The following THSD4 variants were observed in gnomAD, a reference collection of about 807,000 sequenced individuals.
THSD4 encodes the protein thrombospondin type-1 domain-containing protein 4.
Under a neutral mutation model 119.0 loss-of-function variants are expected in THSD4, and 69 were observed. The observed-to-expected ratio is 0.58, with a 90% CI of 0.48 to 0.71. The LOEUF (loss-of-function observed/expected upper bound fraction) is 0.71. THSD4 is among the 30% of genes least tolerant of loss of function. THSD4 has a pLI of 0.00. For synonymous variants in THSD4, 524 were observed against 540.4 expected, an observed-to-expected ratio of 0.97 and a Z score of 0.42; for missense variants, 1,393 against 1,391.1, an observed-to-expected ratio of 1.00 and a Z score of -0.02.
chr15:71,703,960 C>T (rs1464394761), intron 8 of THSD4, among the ~76,000 whole-genome samples: 1 of 152,188 alleles, frequency 6.6e-6, no homozygotes, highest in Non-Finnish European at 1.5e-5. Flanking sequence ...CGCCATTCTT[C>T]TGCCTCAGCC....
chr15:71,484,663 T>C (rs1398578710), intron 7 of THSD4, among the ~76,000 whole-genome samples: 1 of 152,138 alleles, frequency 6.6e-6, no homozygotes, highest in African/African-American at 2.4e-5. Flanking sequence ...AAAGTCAAAA[T>C]TCTTTGAGGT....
intron 1 of THSD4, among the ~76,000 whole-genome samples, chr15:71,122,377 T>C (rs2040415796): frequency 6.6e-6 from 1 of 152,110 alleles, no homozygotes; most frequent in Non-Finnish European, 1.5e-5. Flanking sequence ...ATCAGAATGA[T>C]GTTTCAATTT....
At chr15:71,410,321 A>G (rs1438581759) in intron 6 of THSD4, among the ~76,000 whole-genome samples, 2 of 152,232 alleles carry the variant, frequency 1.3e-5, no homozygotes, top group Admixed American at 6.5e-5. Flanking sequence ...CAGCATGGTT[A>G]ACCCTGAAAT....
At chr15:71,170,527 A>G (rs8040479) in intron 3 of THSD4, among the ~76,000 whole-genome samples, 3,053 of 152,302 alleles carry the variant, frequency 0.02, 45 homozygotes, top group South Asian at 0.051. Flanking sequence ...GATCTAACAA[A>G]TTAAAACAGC....
chr15:71,673,077 T>A (rs948762976), intron 8 of THSD4, among the ~76,000 whole-genome samples: 5 of 152,238 alleles, frequency 3.3e-5, no homozygotes, highest in African/African-American at 1.2e-4. Context: ...CAGCTCCTCT[T>A]TGTACCTCTG....
At chr15:71,620,826 ACT>A (rs2140927089) in intron 7 of THSD4, among the ~76,000 whole-genome samples, 1 of 152,116 alleles carries the variant, frequency 6.6e-6, no homozygotes, top group Admixed American at 6.5e-5. Context: ...ACATGTCTTA[ACT>A]CTCAGGTGGG....
At position 71,256,594 on chromosome 15, in the gene THSD4, T is replaced by A; in HGVS notation, c.913-19T>A. 1 of 1,609,556 alleles carries A rather than the reference T, an allele frequency of 6.2e-7. No individual in the cohort carries two copies. The highest frequency in any genetic ancestry group is 8.5e-7 in the Non-Finnish European group (1 of 1,176,460). ...AAAAGTATGGACACTAATTGCATAT[T>A]TAATATCTGCTTTATTAGGTATGTC... On this transcript the variant is annotated intron_variant, in intron 5 of 17. Transcript: ENST00000261862.
chr15:71,298,167 T>G (rs750872933), intron 6 of THSD4, among the ~76,000 whole-genome samples: 1 of 152,204 alleles, frequency 6.6e-6, no homozygotes, highest in Non-Finnish European at 1.5e-5. Context: ...GAGGGGCTAT[T>G]CAGTTGTCCC....
chr15:71,454,308 A>C (rs1422133040), intron 7 of THSD4, among the ~76,000 whole-genome samples: 2 of 152,238 alleles, frequency 1.3e-5, no homozygotes, highest in African/African-American at 4.8e-5. Context: ...TTGCACCTCT[A>C]GGAAAGAATT....
At chr15:71,760,244 T>C (rs1237803593) in intron 15 of THSD4, among the ~76,000 whole-genome samples, 1 of 152,160 alleles carries the variant, frequency 6.6e-6, no homozygotes. Flanking sequence ...ATTTGTGTTT[T>C]AGGGAAGAGA....
chr15:71,563,840 C>G (rs1161112921), intron 7 of THSD4, among the ~76,000 whole-genome samples: 1 of 152,010 alleles, frequency 6.6e-6, no homozygotes, highest in Non-Finnish European at 1.5e-5. Flanking sequence ...ACTCTTTATC[C>G]CGTGTGACAA....
intron 8 of THSD4, among the ~76,000 whole-genome samples, chr15:71,695,501 C>CGTGTGTGTGTGTGT (rs370049077): frequency 1.7e-5 from 2 of 115,330 alleles, no homozygotes; most frequent in African/African-American, 7.4e-5. Context: ...TGTGTGTGTG[C>CGTGTGTGTGTGTGT]ATGTGTGTGT....
chr15:71,425,782 A>C (rs1476731969), intron 7 of THSD4, among the ~76,000 whole-genome samples: 1 of 152,232 alleles, frequency 6.6e-6, no homozygotes, highest in Non-Finnish European at 1.5e-5. Flanking sequence ...AATGAAGTTA[A>C]TCTTGAACTC....
chr15:71,545,922 C>G (rs1367342481), intron 7 of THSD4, among the ~76,000 whole-genome samples: 1 of 152,098 alleles, frequency 6.6e-6, no homozygotes, highest in African/African-American at 2.4e-5. Context: ...TTAAAGTTTC[C>G]TCATTAATGC....
chr15:71,101,182 A>G (rs1293355935), intron 1 of THSD4, among the ~76,000 whole-genome samples: 4 of 151,928 alleles, frequency 2.6e-5, no homozygotes, highest in African/African-American at 4.8e-5. Context: ...TATTTTTACT[A>G]TATCTCTGGG....
chr15:71,660,451 G>A lies in THSD4; in HGVS notation c.1153-79G>A, dbSNP rs920044214. On this transcript the variant is annotated intron_variant, in intron 7 of 17. Coordinates refer to ENST00000261862, the MANE Select transcript of THSD4 (RefSeq NM_024817.3). Reference sequence around the variant, plus strand: ...TAAATAGCTAGAAAAGAAATTTCTTGCCCAGGGATCTTCTCCCTTCCTTCC... The same window carrying A: ...TAAATAGCTAGAAAAGAAATTTCTTACCCAGGGATCTTCTCCCTTCCTTCC... 3 of 1,559,966 alleles carry A rather than the reference G, an allele frequency of 1.9e-6. No homozygotes were observed. The African/African-American group carries it at 4.1e-5, about 21-fold the overall frequency.
At chr15:71,585,025 T>C (rs2049638242) in intron 7 of THSD4, among the ~76,000 whole-genome samples, 1 of 152,226 alleles carries the variant, frequency 6.6e-6, no homozygotes, top group Non-Finnish European at 1.5e-5. Context: ...TTTATAACTT[T>C]TATGTTGTAT....
At chr15:71,447,118 GTTTTTTTTTTT>G (rs1555414736) in intron 7 of THSD4, among the ~76,000 whole-genome samples, 2 of 76,070 alleles carry the variant, frequency 2.6e-5, no homozygotes, top group African/African-American at 9.3e-5. Context: ...CATTTTTTTT[GTTTTTTTTTTT>G]TTTTTTTTTG....
At chr15:71,572,185 C>T (rs2049370602) in intron 7 of THSD4, among the ~76,000 whole-genome samples, 1 of 152,160 alleles carries the variant, frequency 6.6e-6, no homozygotes, top group Non-Finnish European at 1.5e-5. Flanking sequence ...AAATCTTTAG[C>T]TATTTATCCT....
Sources: gnomAD v4.1 joint callset for allele counts (sites outside exome capture counted in the v4.1 genomes callset) on GRCh38, gnomAD v4.1.1 for gene constraint, MANE v1.5 for transcripts, NCBI Gene and HGNC (gene_info 2026-07-23, HGNC 2026-07-21) for gene names.